Variants in FGF12 observed in about 807,000 individuals in gnomAD.
FGF12 encodes the protein fibroblast growth factor 12B.
FGF12 carries 14 observed loss-of-function variants against 23.6 expected under a neutral mutation model. The ratio of observed to expected loss-of-function variants is 0.59; its 90% confidence interval spans 0.39 to 0.93. The LOEUF (loss-of-function observed/expected upper bound fraction) is 0.93, where lower values mean the gene tolerates loss of function less well. FGF12 is among the 40% of genes least tolerant of loss of function. The pLI is 0.00. For missense variants in FGF12, 175 were observed against 217.8 expected (o/e 0.80, Z 1.24); for synonymous variants, 62 against 77.3 (o/e 0.80, Z 1.04).
intron 2 of FGF12, among the ~76,000 whole-genome samples, chr3:192,680,692 T>C (rs529928423): frequency 2.0e-5 from 3 of 152,358 alleles, no homozygotes; most frequent in South Asian, 4.1e-4. Context: ...CTTTTAACCA[T>C]AGCATCTACA....
intron 2 of FGF12, among the ~76,000 whole-genome samples, chr3:192,717,407 T>C (rs896480588): frequency 1.3e-5 from 2 of 152,206 alleles, no homozygotes; most frequent in Non-Finnish European, 2.9e-5. Flanking sequence ...GTACAGTGCC[T>C]AAACATAGTA....
chr3:192,232,268 C>G (rs971633541), intron 4 of FGF12, among the ~76,000 whole-genome samples: 3 of 152,140 alleles, frequency 2.0e-5, no homozygotes, highest in African/African-American at 7.2e-5. Flanking sequence ...TCTTTCCTTT[C>G]TTTTTAAAAT....
intron 4 of FGF12, among the ~76,000 whole-genome samples, chr3:192,311,947 A>G (rs556590198): frequency 6.6e-6 from 1 of 151,604 alleles, no homozygotes; most frequent in Non-Finnish European, 1.5e-5. Flanking sequence ...CTATCTATCT[A>G]TCTATCTATC....
intron 2 of FGF12, among the ~76,000 whole-genome samples, chr3:192,437,059 T>C (rs1722048352): frequency 6.6e-6 from 1 of 152,172 alleles, no homozygotes; most frequent in African/African-American, 2.4e-5. Flanking sequence ...ATCTTATGAA[T>C]GAATAGTGTA....
At chr3:192,172,502 T>G (rs950507681) in intron 4 of FGF12, among the ~76,000 whole-genome samples, 1 of 150,902 alleles carries the variant, frequency 6.6e-6, no homozygotes, top group Non-Finnish European at 1.5e-5. Context: ...TATGTTTATA[T>G]TAATACTGAA....
chr3:192,710,221 G>A (rs1293981852), intron 2 of FGF12, among the ~76,000 whole-genome samples: 6 of 152,152 alleles, frequency 3.9e-5, no homozygotes, highest in Admixed American at 1.3e-4. Context: ...TGAGTTGAGA[G>A]TATCTTTCCA....
chr3:192,716,384 G>C (rs1324080387), intron 2 of FGF12, among the ~76,000 whole-genome samples: 5 of 152,096 alleles, frequency 3.3e-5, no homozygotes. Flanking sequence ...TTGTAAGCCA[G>C]ATAATGGGAA....
At chr3:192,424,022 C>A (rs1721616245) in intron 2 of FGF12, among the ~76,000 whole-genome samples, 1 of 152,052 alleles carries the variant, frequency 6.6e-6, no homozygotes, top group South Asian at 2.1e-4. Context: ...CTTCTTCGGA[C>A]CTTTTCTTCA....
intron 2 of FGF12, among the ~76,000 whole-genome samples, chr3:192,569,731 ACTCAGAT>A (rs1363752051): frequency 6.6e-6 from 1 of 152,188 alleles, no homozygotes; most frequent in Non-Finnish European, 1.5e-5. Context: ...GAGGATTTGA[ACTCAGAT>A]CTGTCTGATT....
At chr3:192,576,126 C>G (rs1284121630) in intron 2 of FGF12, among the ~76,000 whole-genome samples, 1 of 152,122 alleles carries the variant, frequency 6.6e-6, no homozygotes, top group Non-Finnish European at 1.5e-5. Flanking sequence ...TGAATGATGT[C>G]TTTTCCAGCA....
At chr3:192,262,138 A>G (rs1312916284) in intron 4 of FGF12, among the ~76,000 whole-genome samples, 1 of 152,194 alleles carries the variant, frequency 6.6e-6, no homozygotes, top group South Asian at 2.1e-4. Flanking sequence ...CCTTGGTGAC[A>G]GACTGCTATG....
intron 2 of FGF12, among the ~76,000 whole-genome samples, chr3:192,573,499 T>G (rs1298043933): frequency 6.6e-6 from 1 of 152,066 alleles, no homozygotes; most frequent in Non-Finnish European, 1.5e-5. Flanking sequence ...AGACAGAAAT[T>G]CCTACCTGAA....
Position 192,304,470 on chromosome 3 carries a change from G to T in FGF12, c.228+30891C>A, listed in dbSNP as rs576780847. Reference sequence around the variant, plus strand: ...TTCCTCACAGGTCTGTCTAAACAGAGTATCTACTTTTTATCTTATTATCAA... The same window carrying T: ...TTCCTCACAGGTCTGTCTAAACAGATTATCTACTTTTTATCTTATTATCAA... On this transcript the variant is annotated intron_variant, in intron 4 of 5. Coordinates refer to ENST00000445105, the MANE Select transcript of FGF12 (RefSeq NM_004113.6). Among the ~76,000 whole-genome samples the T allele has an allele frequency of 1.9e-4, 29 of 152,288 alleles. No homozygotes were observed. In the South Asian group the frequency reaches 4.3e-3, roughly 23 times the overall value.
At chr3:192,403,367 T>G (rs576960770) in intron 2 of FGF12, among the ~76,000 whole-genome samples, 41 of 152,328 alleles carry the variant, frequency 2.7e-4, no homozygotes, top group African/African-American at 9.9e-4. Flanking sequence ...CTTGATGAGA[T>G]CTCTGTGGGA....
At chr3:192,169,237 A>G (rs1327872611) in intron 5 of FGF12, among the ~76,000 whole-genome samples, 1 of 152,134 alleles carries the variant, frequency 6.6e-6, no homozygotes, top group Admixed American at 6.6e-5. Context: ...GCTACCCAGG[A>G]GGCTGAAGAA....
intron 5 of FGF12, among the ~76,000 whole-genome samples, chr3:192,165,042 C>T (rs1372329639): frequency 6.6e-6 from 1 of 152,000 alleles, no homozygotes; most frequent in Admixed American, 6.6e-5. Flanking sequence ...AACTCCGACT[C>T]CCTGGGTTGA....
intron 4 of FGF12, among the ~76,000 whole-genome samples, chr3:192,271,951 A>G (rs1713465834): frequency 6.6e-6 from 1 of 152,134 alleles, no homozygotes; most frequent in African/African-American, 2.4e-5. Flanking sequence ...TGATCTCCTA[A>G]TTGTGATTCT....
intron 4 of FGF12, among the ~76,000 whole-genome samples, chr3:192,332,741 T>A (rs1024898478): frequency 6.6e-6 from 1 of 152,150 alleles, no homozygotes; most frequent in Non-Finnish European, 1.5e-5. Context: ...AATTAGCTTA[T>A]GTAGGTCCTC....
chr3:192,360,193 T>C lies in FGF12; in HGVS notation c.124+235A>G, dbSNP rs187082981. On this transcript the variant is annotated intron_variant, in intron 3 of 5. Coordinates refer to ENST00000445105, the MANE Select transcript of FGF12 (RefSeq NM_004113.6). The surrounding 1 kb of genome is among the most constrained non-coding windows in gnomAD (Gnocchi z 4.3). ...TGTGATGGGAGTATATTCTTGCCCA[T>C]TGACCAAATGGACAAGCCTCTTACC... Among the ~76,000 whole-genome samples, 435 of 152,262 alleles carry C rather than the reference T, an allele frequency of 2.9e-3. 11 individuals carry two copies. The highest frequency in any genetic ancestry group is 4.6e-4 in the Non-Finnish European group (31 of 68,020).
Sources: allele counts gnomAD v4.1 joint callset (sites outside exome capture counted in the v4.1 genomes callset), GRCh38; gene constraint gnomAD v4.1.1; non-coding constraint Gnocchi (gnomAD v3.1); transcripts MANE v1.5; gene names NCBI Gene and HGNC (gene_info 2026-07-23, HGNC 2026-07-21).